The following ROBO2 variants were observed in gnomAD, a reference collection of about 807,000 sequenced individuals.
ROBO2 encodes the protein roundabout homolog 2.
A neutral mutation model predicts 160.8 loss-of-function variants in ROBO2; 53 were observed. That is an observed-to-expected ratio of 0.33 (90% confidence interval 0.26 to 0.41). The LOEUF is 0.41. ROBO2 is among the 10% of genes least tolerant of loss of function. The pLI is 1.00. For synonymous variants in ROBO2, 664 were observed against 611.7 expected (o/e 1.09, Z -1.26); for missense variants, 1,577 against 1,722.4 (o/e 0.92, Z 1.49).
At chr3:76,545,363 G>T (rs1019944943) in intron 2 of ROBO2, among the ~76,000 whole-genome samples, 7 of 151,930 alleles carry the variant, frequency 4.6e-5, no homozygotes, top group Non-Finnish European at 8.8e-5. Context: ...CCTACTGTCG[G>T]TTAAGTCATC....
intron 2 of ROBO2, among the ~76,000 whole-genome samples, chr3:77,033,883 A>G (rs1035100172): frequency 3.9e-5 from 6 of 152,046 alleles, no homozygotes; most frequent in African/African-American, 1.4e-4. Flanking sequence ...AAATATAAGA[A>G]ACCAGCCATT....
At chr3:75,979,713 C>T (rs1283679328) in intron 2 of ROBO2, among the ~76,000 whole-genome samples, 3 of 151,570 alleles carry the variant, frequency 2.0e-5, no homozygotes, top group Non-Finnish European at 4.4e-5. Flanking sequence ...CCTTAGCATT[C>T]TGAAATTCAG....
chr3:76,065,736 A>AATAT (rs370232330), intron 2 of ROBO2, among the ~76,000 whole-genome samples: 61 of 134,236 alleles, frequency 4.5e-4, no homozygotes, highest in East Asian at 1.4e-3. Flanking sequence ...ATTTAAACTA[A>AATAT]ATATATATAT....
At chr3:76,458,574 T>G (rs1032688923) in intron 2 of ROBO2, among the ~76,000 whole-genome samples, 2 of 152,196 alleles carry the variant, frequency 1.3e-5, no homozygotes, top group Non-Finnish European at 2.9e-5. Flanking sequence ...TCCATATTTT[T>G]GGGTATCTTT....
chr3:77,012,422 C>T (rs2149469849), intron 2 of ROBO2, among the ~76,000 whole-genome samples: 2 of 152,228 alleles, frequency 1.3e-5, no homozygotes, highest in South Asian at 4.1e-4. Context: ...TCATAAATTA[C>T]AAAAGTTAAA....
Position 76,729,757 on chromosome 3 carries a change from C to A in ROBO2, c.110-368257C>A, listed in dbSNP as rs1307140370. Reference sequence around the variant, plus strand: ...TGTTCAAGCAATTCTTTTGCCTCAGCCTCCTGAGTAGCTGGGATTACAGCC... The same window carrying A: ...TGTTCAAGCAATTCTTTTGCCTCAGACTCCTGAGTAGCTGGGATTACAGCC... On this transcript the variant is annotated intron_variant, in intron 2 of 26. Transcript: ENST00000487694. Among the ~76,000 whole-genome samples the A allele has an allele frequency of 2.6e-5, 4 of 152,150 alleles. No individual in the cohort carries two copies. In the East Asian group the frequency reaches 7.8e-4, roughly 30 times the overall value.
chr3:75,989,065 T>G (rs1000351031), intron 2 of ROBO2, among the ~76,000 whole-genome samples: 1 of 152,148 alleles, frequency 6.6e-6, no homozygotes, highest in Non-Finnish European at 1.5e-5. Context: ...TTTTTGCTAC[T>G]CTTTATATTT....
At chr3:77,349,794 G>C (rs1051223253) in intron 2 of ROBO2, among the ~76,000 whole-genome samples, 9 of 152,090 alleles carry the variant, frequency 5.9e-5, no homozygotes, top group African/African-American at 1.9e-4. Flanking sequence ...TTTTTTCAGA[G>C]AGGCCTTTCT....
chr3:76,673,842 T>G (rs185997982), intron 2 of ROBO2, among the ~76,000 whole-genome samples: 143 of 152,302 alleles, frequency 9.4e-4, no homozygotes, highest in African/African-American at 3.3e-3. Context: ...TTTAACTTAA[T>G]TTTTTCATTG....
chr3:77,367,010 C>T (rs1406036778), intron 2 of ROBO2, among the ~76,000 whole-genome samples: 1 of 151,750 alleles, frequency 6.6e-6, no homozygotes, highest in East Asian at 2.0e-4. Context: ...AGAGGATAAA[C>T]ATTCAAATTG....
chr3:76,628,433 G>GTT (rs10670772), intron 2 of ROBO2, among the ~76,000 whole-genome samples: 75,633 of 135,148 alleles, frequency 0.56, 21,000 homozygotes, highest in East Asian at 0.66. Context: ...TAATTTTTAG[G>GTT]TTTTTTTTTT....
intron 2 of ROBO2, among the ~76,000 whole-genome samples, chr3:76,456,617 A>G (rs924678685): frequency 3.3e-5 from 5 of 152,220 alleles, no homozygotes; most frequent in Non-Finnish European, 5.9e-5. Flanking sequence ...TTAAGTACAC[A>G]TCAAGTAAAG....
At chr3:76,620,417 G>A (rs1345560162) in intron 2 of ROBO2, among the ~76,000 whole-genome samples, 1 of 151,846 alleles carries the variant, frequency 6.6e-6, no homozygotes, top group East Asian at 1.9e-4. Context: ...GTTTATCGTG[G>A]AGCAAAAAAA....
chr3:77,415,565 C>T (rs989338151), intron 2 of ROBO2, among the ~76,000 whole-genome samples: 2 of 152,186 alleles, frequency 1.3e-5, no homozygotes, highest in South Asian at 2.1e-4. Context: ...AGGCTTCACT[C>T]GGCTCTGGGC....
At chr3:76,566,806 A>G (rs2084554883) in intron 2 of ROBO2, among the ~76,000 whole-genome samples, 1 of 152,078 alleles carries the variant, frequency 6.6e-6, no homozygotes, top group African/African-American at 2.4e-5. Context: ...TAAAAGGAAA[A>G]GAAGAAAAGA....
intron 2 of ROBO2, chr3:75,965,071 G>A (rs1949054805): frequency 6.6e-6 from 1 of 151,542 alleles, no homozygotes. Flanking sequence ...GGACTAGCCT[G>A]CTAATTTATT....
intron 6 of ROBO2, among the ~76,000 whole-genome samples, chr3:77,544,164 A>G (rs1352332930): frequency 2.6e-5 from 4 of 151,540 alleles, no homozygotes; most frequent in Admixed American, 2.6e-4. Flanking sequence ...CTATTGAAAA[A>G]ATGGTCACTG....
chr3:76,094,656 A>G (rs1027175733), intron 2 of ROBO2, among the ~76,000 whole-genome samples: 3 of 152,210 alleles, frequency 2.0e-5, no homozygotes, highest in Non-Finnish European at 4.4e-5. Flanking sequence ...TTCACTGTGA[A>G]ATGAAACCTG....
chr3:76,601,369 C>T (rs982953471), intron 2 of ROBO2, among the ~76,000 whole-genome samples: 1 of 152,192 alleles, frequency 6.6e-6, no homozygotes, highest in Non-Finnish European at 1.5e-5. Flanking sequence ...TTCAGCACTA[C>T]CCTAGCAGAG....
Sources: gnomAD v4.1 joint callset for allele counts (sites outside exome capture counted in the v4.1 genomes callset) on GRCh38, gnomAD v4.1.1 for gene constraint, MANE v1.5 for transcripts, NCBI Gene and HGNC (gene_info 2026-07-23, HGNC 2026-07-21) for gene names.